The following ICOS variants were observed in gnomAD, a reference collection of about 807,000 sequenced individuals.
The protein encoded by ICOS is inducible T cell costimulator, also known as inducible T-cell costimulator.
A neutral mutation model predicts 24.6 loss-of-function variants in ICOS; 15 were observed. That is an observed-to-expected ratio of 0.61 (90% CI 0.41 to 0.94). The LOEUF (loss-of-function observed/expected upper bound fraction) is 0.94, where lower values mean the gene tolerates loss of function less well. Among genes scored for constraint, ICOS ranks in the 40% least tolerant of loss-of-function variants. The probability of loss-of-function intolerance (pLI) is 0.00; values close to 1 mark genes in which losing one functional copy is unlikely to be tolerated. For synonymous variants in ICOS, 89 were observed against 77.5 expected, an observed-to-expected ratio of 1.15 and a Z score of -0.78; for missense variants, 200 against 233.0, an observed-to-expected ratio of 0.86 and a Z score of 0.92.
chr2:203,939,106 T>G (rs1477257243), intron 1 of ICOS, among the ~76,000 whole-genome samples: 1 of 152,228 alleles, frequency 6.6e-6, no homozygotes, highest in Non-Finnish European at 1.5e-5. Context: ...CTTTAGTCAG[T>G]GTTTGAAGAA....
chr2:203,959,876 C>G lies in ICOS; in HGVS notation c.*277C>G, dbSNP rs1690146679. On this transcript the variant is annotated 3_prime_UTR_variant, in exon 5 of 5. Transcript: ENST00000316386. ...TGCTCACTGGGAGTGGAATCCCTGT[C>G]TCCACATCTGCTCCTAGCAGTGCAT... The G allele has an allele frequency of 7.3e-6, 4 of 550,700 alleles. No individual in the cohort carries two copies. The highest frequency in any genetic ancestry group is 3.0e-5 in the Admixed American group (1 of 33,148). 34.1% of individuals were successfully genotyped at this position (550,700 alleles called of 1,614,324 possible).
At chr2:203,953,350 C>T (rs1223174147) in intron 1 of ICOS, among the ~76,000 whole-genome samples, 2 of 152,134 alleles carry the variant, frequency 1.3e-5, no homozygotes, top group African/African-American at 4.8e-5. Context: ...AATTTCTCCT[C>T]CTTTGTGTCA....
chr2:203,952,941 A>T (rs1690010362), intron 1 of ICOS, among the ~76,000 whole-genome samples: 1 of 152,114 alleles, frequency 6.6e-6, no homozygotes, highest in African/African-American at 2.4e-5. Context: ...TATTTGTATG[A>T]AATTTTTTGA....
In ICOS at chr2:203,955,815, C is replaced by T. The variant is rs765794352; in HGVS notation, c.238C>T (p.Leu80=). 6.2e-7 allele frequency: 1 copy of T among 1,613,844 alleles called. No individual in the cohort carries two copies. Among genetic ancestry groups the T allele is most frequent in the Admixed American group, 1.7e-5 (1 of 59,986 alleles). ...TGGAAACACAGTGTCCATTAAGAGTCTGAAATTCTGCCATTCTCAGTTATC... is the reference window on the plus strand; with the variant it reads ...TGGAAACACAGTGTCCATTAAGAGTTTGAAATTCTGCCATTCTCAGTTATC... The part of the protein sequence containing the change: ...GSGNTVSIKS[L]KFCHSQLSNN... The change falls in exon 2 of 5, where the codon CTG becomes TTG. Residue 80 remains leucine, a synonymous_variant. Transcript: ENST00000316386.
chr2:203,957,173 A>G (rs1690091661), intron 3 of ICOS, among the ~76,000 whole-genome samples: 1 of 152,198 alleles, frequency 6.6e-6, no homozygotes, highest in African/African-American at 2.4e-5. Flanking sequence ...AGATGAAACA[A>G]TTAGTTATAA....
chr2:203,937,233 CT>C (rs1183607751), intron 1 of ICOS, among the ~76,000 whole-genome samples: 2 of 152,106 alleles, frequency 1.3e-5, no homozygotes, highest in African/African-American at 4.8e-5. Context: ...TTAAATAGCT[CT>C]GGCATTTGGA....
At position 203,960,557 on chromosome 2, in the gene ICOS, G is replaced by GT. The variant is rs1263164382; in HGVS notation, c.*961dup. On this transcript the variant is annotated 3_prime_UTR_variant, in exon 5 of 5. Coordinates refer to ENST00000316386, the MANE Select transcript of ICOS (RefSeq NM_012092.4). ...GTTTTCATGGTGCTATTAATTACAA[G>GT]TTTAGTTCTTTTTGTAGATCATATT... 9 of 152,078 alleles carry GT rather than the reference G, an allele frequency of 5.9e-5. No homozygotes were observed. The highest frequency in any genetic ancestry group is 2.2e-4 in the African/African-American group (9 of 41,378). 9.4% of individuals were successfully genotyped at this position (152,078 alleles called of 1,614,324 possible). A position where few individuals can be genotyped will look rare whatever the true frequency, so the allele number is the denominator to read the frequency against.
intron 1 of ICOS, among the ~76,000 whole-genome samples, chr2:203,951,561 C>T (rs1559034858): frequency 1.3e-5 from 2 of 152,276 alleles, no homozygotes; most frequent in South Asian, 4.1e-4. Flanking sequence ...CACTGCACCG[C>T]CAACCATTCA....
rs533799498 is a variant in ICOS at position 203,958,667 on chromosome 2, T to C, written c.586+784T>C. Reference sequence around the variant, plus strand: ...CATAGCTTGCGTTGTCATGGAATTATAGCATGGGATGGGAGCTAAAAAGGA... The same window carrying C: ...CATAGCTTGCGTTGTCATGGAATTACAGCATGGGATGGGAGCTAAAAAGGA... On this transcript the variant is annotated intron_variant, in intron 4 of 4. Transcript: ENST00000316386. Among the ~76,000 whole-genome samples the C allele has an allele frequency of 2.6e-5, 4 of 152,272 alleles. No individual in the cohort carries two copies. In the East Asian group the frequency reaches 7.7e-4, roughly 29 times the overall value.
chr2:203,937,553 G>A (rs1332021430), intron 1 of ICOS, among the ~76,000 whole-genome samples: 2 of 152,046 alleles, frequency 1.3e-5, no homozygotes, highest in Non-Finnish European at 2.9e-5. Context: ...GTTAATACAC[G>A]TGTTTCTGCT....
intron 3 of ICOS, among the ~76,000 whole-genome samples, chr2:203,957,354 C>T (rs1205588563): frequency 6.6e-6 from 1 of 152,150 alleles, no homozygotes; most frequent in African/African-American, 2.4e-5. Flanking sequence ...ATGACAACAA[C>T]AAAAATCTCC....
intron 1 of ICOS, among the ~76,000 whole-genome samples, chr2:203,948,379 G>T (rs2105749313): frequency 6.6e-6 from 1 of 152,282 alleles, no homozygotes; most frequent in African/African-American, 2.4e-5. Context: ...AATGGAAAAT[G>T]CAAAATGAAA....
chr2:203,951,621 TGA>T (rs1000774112), intron 1 of ICOS, among the ~76,000 whole-genome samples: 16 of 152,306 alleles, frequency 1.1e-4, no homozygotes, highest in Non-Finnish European at 2.2e-4. Flanking sequence ...AAAAATCTGC[TGA>T]GAAAATCATC....
chr2:203,956,746 T>C lies in ICOS; in HGVS notation c.482T>C (p.Ile161Thr). 1.9e-6 allele frequency: 3 copies of C among 1,611,298 alleles called. No homozygotes were observed. Among genetic ancestry groups the C allele is most frequent in the Non-Finnish European group, 2.5e-6 (3 of 1,177,494 alleles). ...VVVCILGCIL[I>T]CWLTKKKYSS... is the part of the protein sequence containing the mutation. The stretch of plus-strand genomic sequence containing the variant: ...GTCTGCATTTTGGGATGCATACTTA[T>C]TTGTTGGCTTACAAAAAAGGTAAGC... Residue 161 changes from isoleucine (I) to threonine (T), a missense_variant, in exon 3 of 5, where the codon ATT becomes ACT. Physicochemically the swap from Ile to Thr is moderately conservative, Grantham distance 89. Transcript: ENST00000316386.
intron 4 of ICOS, 133 bp from the exon 5 acceptor site, chr2:203,959,453 T>TGA (rs1164274386): frequency 6.3e-6 from 4 of 636,194 alleles, no homozygotes; most frequent in Non-Finnish European, 8.6e-6. Flanking sequence ...GGTGTGTGTG[T>TGA]GAGTGTGTGT....
intron 4 of ICOS, 107 bp from the exon 5 acceptor site, chr2:203,959,475 TGTGC>T: frequency 1.2e-6 from 1 of 810,192 alleles, no homozygotes; most frequent in African/African-American, 1.7e-5. Flanking sequence ...TGTGTGTGTG[TGTGC>T]ACGTGTGTGT....
intron 1 of ICOS, among the ~76,000 whole-genome samples, chr2:203,948,654 A>T (rs147947941): frequency 7.2e-4 from 110 of 152,364 alleles, no homozygotes; most frequent in African/African-American, 2.6e-3. Flanking sequence ...AGAAGAAAAC[A>T]ATCAGATAAA....
At chr2:203,947,105 A>T (rs755037620) in intron 1 of ICOS, among the ~76,000 whole-genome samples, 2 of 152,196 alleles carry the variant, frequency 1.3e-5, no homozygotes, top group Non-Finnish European at 2.9e-5. Context: ...TCAACTTGCA[A>T]ATGAACTCAT....
In ICOS at chr2:203,955,815, C is replaced by A. The variant is rs765794352; in HGVS notation, c.238C>A (p.Leu80Met). 6.2e-7 allele frequency: 1 copy of A among 1,613,726 alleles called. No homozygotes were observed. The highest frequency in any genetic ancestry group is 8.5e-7 in the Non-Finnish European group (1 of 1,179,842). Residue 80 changes from leucine (L) to methionine (M), a missense_variant, in exon 2 of 5, where the codon CTG (leucine) becomes ATG (methionine). By Grantham distance (15) the Leu-to-Met change is conservative. Transcript: ENST00000316386. ...TGGAAACACAGTGTCCATTAAGAGTCTGAAATTCTGCCATTCTCAGTTATC... is the reference window on the plus strand; with the variant it reads ...TGGAAACACAGTGTCCATTAAGAGTATGAAATTCTGCCATTCTCAGTTATC... ...GSGNTVSIKS[L>M]KFCHSQLSNN...
Sources: allele counts gnomAD v4.1 joint callset (sites outside exome capture counted in the v4.1 genomes callset), GRCh38; gene constraint gnomAD v4.1.1; transcripts MANE v1.5; gene names NCBI Gene and HGNC (gene_info 2026-07-23, HGNC 2026-07-21).